Variants in MAPK8 observed in about 807,000 individuals in gnomAD.
MAPK8 encodes JUN N-terminal kinase.
Under a neutral mutation model 52.9 loss-of-function variants are expected in MAPK8, and 13 were observed. That is an observed-to-expected ratio of 0.25 (90% CI 0.16 to 0.39). The LOEUF is 0.39. MAPK8 is among the 10% of genes least tolerant of loss of function. MAPK8 has a pLI of 1.00. For missense variants in MAPK8, 300 were observed against 519.2 expected (o/e 0.58, Z 4.10); for synonymous variants, 191 against 169.8 (o/e 1.12, Z -0.97).
intron 1 of MAPK8, among the ~76,000 whole-genome samples, chr10:48,328,936 C>T (rs1843813368): frequency 6.6e-6 from 1 of 150,518 alleles, no homozygotes; most frequent in African/African-American, 2.5e-5. Context: ...GATTTTTCTG[C>T]ATCTCTACAG....
chr10:48,313,555 G>T (rs532061127), intron 1 of MAPK8, among the ~76,000 whole-genome samples: 4 of 152,300 alleles, frequency 2.6e-5, no homozygotes, highest in Admixed American at 6.5e-5. Context: ...GTCTCGTCAG[G>T]TTTTACCACC....
chr10:48,403,835 G>A (rs553673880), intron 2 of MAPK8, among the ~76,000 whole-genome samples: 8 of 151,152 alleles, frequency 5.3e-5, no homozygotes, highest in African/African-American at 1.5e-4. Flanking sequence ...TGCAAGCTCC[G>A]CCTCCCGGGT....
At position 48,420,138 on chromosome 10, in the gene MAPK8, A is replaced by G. The variant is rs1375253913; in HGVS notation, c.451-17A>G. 1 of 1,590,898 alleles carries G rather than the reference A, an allele frequency of 6.3e-7. No individual in the cohort carries two copies. The highest frequency in any genetic ancestry group is 1.4e-5 in the African/African-American group (1 of 73,910). On this transcript the variant is annotated splice_polypyrimidine_tract_variant and intron_variant, in intron 5 of 11. Coordinates refer to ENST00000374189, the MANE Select transcript of MAPK8 (RefSeq NM_001323329.2). ...TATATATCATGGCAGTCATTTTTTA[A>G]TTTTTATTTTCTGAAGGACTTAAAG...
chr10:48,335,448 T>C (rs1013988550), intron 1 of MAPK8, among the ~76,000 whole-genome samples: 5 of 152,178 alleles, frequency 3.3e-5, no homozygotes, highest in Non-Finnish European at 1.5e-5. Flanking sequence ...AAATTATTTA[T>C]TACTTACTAC....
chr10:48,407,437 G>GA (rs1290094485), intron 3 of MAPK8, among the ~76,000 whole-genome samples: 3 of 152,126 alleles, frequency 2.0e-5, no homozygotes, highest in Non-Finnish European at 4.4e-5. Context: ...ATTTCTCAAT[G>GA]AACTTTTACC....
At chr10:48,365,946 A>C (rs1287840511) in intron 1 of MAPK8, among the ~76,000 whole-genome samples, 1 of 152,180 alleles carries the variant, frequency 6.6e-6, no homozygotes, top group African/African-American at 2.4e-5. Context: ...CAGAATATAT[A>C]GTAATTTACT....
intron 10 of MAPK8, 141 bp downstream of exon 10, chr10:48,427,284 G>A: frequency 1.8e-6 from 1 of 551,442 alleles, no homozygotes; most frequent in Non-Finnish European, 3.2e-6. Context: ...TACATAAGTA[G>A]AAAGTAAGTC....
At chr10:48,354,998 CAT>C (rs1287141737) in intron 1 of MAPK8, among the ~76,000 whole-genome samples, 2 of 151,992 alleles carry the variant, frequency 1.3e-5, no homozygotes, top group East Asian at 1.9e-4. Context: ...AAAAGAAAAA[CAT>C]AAAGAAACTA....
At chr10:48,396,362 C>T (rs1166151749) in intron 1 of MAPK8, among the ~76,000 whole-genome samples, 1 of 152,028 alleles carries the variant, frequency 6.6e-6, no homozygotes, top group Non-Finnish European at 1.5e-5. Context: ...ACATGATTAG[C>T]TACTAGGAAA....
chr10:48,397,775 C>A (rs1382380946), intron 1 of MAPK8, among the ~76,000 whole-genome samples: 1 of 151,838 alleles, frequency 6.6e-6, no homozygotes, highest in South Asian at 2.1e-4. Flanking sequence ...GTTTTTAGTA[C>A]AGACAGGGTT....
chr10:48,359,328 T>G (rs531926292), intron 1 of MAPK8, among the ~76,000 whole-genome samples: 1 of 152,304 alleles, frequency 6.6e-6, no homozygotes, highest in South Asian at 2.1e-4. Context: ...AGTTTTCATT[T>G]TTAGTAGTTT....
intron 1 of MAPK8, among the ~76,000 whole-genome samples, chr10:48,327,829 T>A (rs867943141): frequency 2.3e-4 from 35 of 152,374 alleles, no homozygotes; most frequent in Non-Finnish European, 4.1e-4. Context: ...TCAGGTTATC[T>A]GTTTTTCTTT....
rs924316970 is a variant in MAPK8, at chr10:48,309,234, C to T, written c.-50+2413C>T. 2.0e-5 allele frequency among the ~76,000 whole-genome samples: 3 copies of T among 152,134 alleles called. 1 individual carries two copies. Among genetic ancestry groups the T allele is most frequent in the Non-Finnish European group, 4.4e-5 (3 of 68,020 alleles). On this transcript the variant is annotated intron_variant, in intron 1 of 11. Transcript: ENST00000374189. ...TTCACCAGTTAGAGTGTATATATTT[C>T]GGTTTTTAGTATTTTCACAGTGTTG...
At chr10:48,393,567 A>G (rs2041738065) in intron 1 of MAPK8, among the ~76,000 whole-genome samples, 1 of 152,122 alleles carries the variant, frequency 6.6e-6, no homozygotes, top group East Asian at 1.9e-4. Flanking sequence ...GTAAACAAAT[A>G]GAAAACCCTC....
chr10:48,433,689 A>G (rs1015388721), intron 11 of MAPK8, among the ~76,000 whole-genome samples: 3 of 151,894 alleles, frequency 2.0e-5, no homozygotes, highest in African/African-American at 7.3e-5. Flanking sequence ...TACACTGCCT[A>G]TTTTCTTTTT....
At chr10:48,409,704 C>T (rs2133071666) in intron 3 of MAPK8, among the ~76,000 whole-genome samples, 175 bp from the exon 4 acceptor site, 1 of 152,290 alleles carries the variant, frequency 6.6e-6, no homozygotes, top group South Asian at 2.1e-4. Flanking sequence ...TCCCCTCCTC[C>T]AACTCCTGCC....
At chr10:48,353,197 A>AC (rs764746093) in intron 1 of MAPK8, among the ~76,000 whole-genome samples, 1,684 of 152,356 alleles carry the variant, frequency 0.011, 24 homozygotes, top group Admixed American at 0.019. Context: ...AAGTTTAACA[A>AC]AATTTCAGCA....
chr10:48,330,124 G>T (rs866615096), intron 1 of MAPK8, among the ~76,000 whole-genome samples: 3 of 152,122 alleles, frequency 2.0e-5, no homozygotes, highest in South Asian at 2.1e-4. Context: ...ATTAGCTTAC[G>T]TTAATTGAGG....
chr10:48,377,043 AGGATGAGTTCATGTCCTTTGCAG>A (rs1248529166), intron 1 of MAPK8, among the ~76,000 whole-genome samples: 1 of 152,242 alleles, frequency 6.6e-6, no homozygotes, highest in Non-Finnish European at 1.5e-5. Flanking sequence ...AGCCATAAAA[AGGATGAGTTCATGTCCTTTGCAG>A]GGACATGGGT....
Sources: allele counts gnomAD v4.1 joint callset (sites outside exome capture counted in the v4.1 genomes callset), GRCh38; gene constraint gnomAD v4.1.1; transcripts MANE v1.5; gene names NCBI Gene and HGNC (gene_info 2026-07-23, HGNC 2026-07-21).